Variants in MDGA2 observed in about 807,000 individuals in gnomAD.
MDGA2 encodes the protein MAM domain-containing glycosylphosphatidylinositol anchor protein 2.
A neutral mutation model predicts 117.8 loss-of-function variants in MDGA2; 40 were observed. The observed-to-expected ratio is 0.34, with a 90% CI of 0.26 to 0.44. MDGA2 has a LOEUF of 0.44. Among genes scored for constraint, MDGA2 ranks in the 20% least tolerant of loss-of-function variants. The pLI, the probability that MDGA2 is intolerant of heterozygous loss-of-function variation, is 1.00. For missense variants in MDGA2, 1,123 were observed against 1,250.6 expected (o/e 0.90, Z 1.54); for synonymous variants, 452 against 439.0 (o/e 1.03, Z -0.37).
intron 2 of MDGA2, among the ~76,000 whole-genome samples, chr14:47,279,562 A>G (rs531695736): frequency 6.6e-6 from 1 of 152,174 alleles, no homozygotes; most frequent in Non-Finnish European, 1.5e-5. Context: ...ATTTTGCATT[A>G]TTATTACTAC....
At chr14:46,951,884 C>A (rs1885382902) in intron 9 of MDGA2, among the ~76,000 whole-genome samples, 1 of 151,858 alleles carries the variant, frequency 6.6e-6, no homozygotes, top group Non-Finnish European at 1.5e-5. Flanking sequence ...TAATGTAATT[C>A]TTTATGCAGA....
At chr14:46,905,667 T>C (rs1883462361) in intron 10 of MDGA2, among the ~76,000 whole-genome samples, 1 of 152,116 alleles carries the variant, frequency 6.6e-6, no homozygotes, top group Admixed American at 6.5e-5. Context: ...GCTTTGAGCA[T>C]CAATATGACT....
intron 1 of MDGA2, among the ~76,000 whole-genome samples, chr14:47,307,636 C>T (rs924732667): frequency 1.3e-4 from 20 of 151,530 alleles, no homozygotes; most frequent in Non-Finnish European, 2.4e-4. Context: ...AGACAAGATC[C>T]GAGATCTTGT....
At chr14:47,088,606 CT>C (rs1890995404) in intron 6 of MDGA2, among the ~76,000 whole-genome samples, 1 of 152,118 alleles carries the variant, frequency 6.6e-6, no homozygotes, top group Admixed American at 6.5e-5. Context: ...TGCATATGGG[CT>C]ATATTTGATC....
intron 1 of MDGA2, among the ~76,000 whole-genome samples, chr14:47,390,390 T>C (rs2138436380): frequency 6.8e-6 from 1 of 147,734 alleles, no homozygotes; most frequent in East Asian, 2.1e-4. Context: ...TAAGGAAGAG[T>C]AGGAGCCTAA....
intron 1 of MDGA2, among the ~76,000 whole-genome samples, chr14:47,560,624 C>T (rs1435325103): frequency 6.6e-6 from 1 of 152,084 alleles, no homozygotes; most frequent in Non-Finnish European, 1.5e-5. Context: ...TTGTCAGGTG[C>T]ACAGTTTGCA....
intron 2 of MDGA2, among the ~76,000 whole-genome samples, chr14:47,233,855 C>T (rs1886772199): frequency 1.3e-5 from 2 of 149,218 alleles, no homozygotes; most frequent in South Asian, 4.1e-4. Context: ...GAACTCAAAC[C>T]TTTAAAAGTT....
chr14:47,436,264 A>G (rs1363590232), intron 1 of MDGA2, among the ~76,000 whole-genome samples: 6 of 152,176 alleles, frequency 3.9e-5, no homozygotes, highest in Non-Finnish European at 7.4e-5. Flanking sequence ...TAAAGTTTAT[A>G]TAATAGTTCA....
At chr14:47,477,700 T>C (rs1197786839) in intron 1 of MDGA2, among the ~76,000 whole-genome samples, 1 of 152,200 alleles carries the variant, frequency 6.6e-6, no homozygotes, top group East Asian at 1.9e-4. Context: ...GTGCTAACCC[T>C]CTGTCTGAGA....
chr14:47,428,456 T>C (rs550998548), intron 1 of MDGA2, among the ~76,000 whole-genome samples: 1 of 152,244 alleles, frequency 6.6e-6, no homozygotes, highest in South Asian at 2.1e-4. Context: ...TACATAAAGA[T>C]TAATTTTCAA....
chr14:47,657,354 CCA>C (rs773155981), intron 1 of MDGA2, among the ~76,000 whole-genome samples: 125 of 152,248 alleles, frequency 8.2e-4, no homozygotes, highest in Non-Finnish European at 1.5e-3. Flanking sequence ...ATCAGCTACT[CCA>C]GTGTTGCATC....
intron 10 of MDGA2, among the ~76,000 whole-genome samples, chr14:46,900,089 A>T (rs1408344503): frequency 2.6e-5 from 4 of 152,152 alleles, no homozygotes. Context: ...TCTGAAGAAG[A>T]TATACAGATG....
At chr14:47,547,035 A>G (rs552345854) in intron 1 of MDGA2, among the ~76,000 whole-genome samples, 6 of 152,316 alleles carry the variant, frequency 3.9e-5, no homozygotes, top group Admixed American at 3.9e-4. Context: ...TCCCCAGTGT[A>G]TATTTTCCTG....
intron 1 of MDGA2, among the ~76,000 whole-genome samples, chr14:47,412,445 C>T (rs2416068): frequency 0.31 from 47,149 of 151,838 alleles, 8,017 homozygotes; most frequent in East Asian, 0.59. Context: ...CAACACCCAA[C>T]TAATGTTTTT....
intron 2 of MDGA2, among the ~76,000 whole-genome samples, chr14:47,261,071 A>T (rs1396857833): frequency 1.3e-5 from 2 of 152,110 alleles, no homozygotes; most frequent in African/African-American, 2.4e-5. Context: ...CATAGCAATG[A>T]CAATGAAAGC....
intron 1 of MDGA2, among the ~76,000 whole-genome samples, chr14:47,419,916 C>A (rs1054627768): frequency 2.0e-5 from 3 of 151,722 alleles, no homozygotes; most frequent in African/African-American, 4.8e-5. Flanking sequence ...GTGGTATAAC[C>A]AAATACAAAC....
intron 1 of MDGA2, among the ~76,000 whole-genome samples, chr14:47,410,507 A>G (rs1158574485): frequency 6.6e-6 from 1 of 152,084 alleles, no homozygotes; most frequent in Admixed American, 6.6e-5. Flanking sequence ...TTTGTAACAA[A>G]CTTATAACAA....
intron 1 of MDGA2, among the ~76,000 whole-genome samples, chr14:47,470,490 C>A (rs1369864101): frequency 6.6e-6 from 1 of 152,054 alleles, no homozygotes; most frequent in Non-Finnish European, 1.5e-5. Context: ...GTATATGTGC[C>A]ACATTTTCTT....
chr14:47,670,420 A>G (rs1898052950), intron 1 of MDGA2, among the ~76,000 whole-genome samples: 1 of 152,322 alleles, frequency 6.6e-6, no homozygotes, highest in Middle Eastern at 3.4e-3. Flanking sequence ...ATATGTCAAT[A>G]GAGTACTTCT....
Sources: gnomAD v4.1 joint callset for allele counts (sites outside exome capture counted in the v4.1 genomes callset) on GRCh38, gnomAD v4.1.1 for gene constraint, MANE v1.5 for transcripts, NCBI Gene and HGNC (gene_info 2026-07-23, HGNC 2026-07-21) for gene names.